The following ANKS1B variants were observed in gnomAD, a reference collection of about 807,000 sequenced individuals.
The protein encoded by ANKS1B is ankyrin repeat and sterile alpha motif domain containing 1B.
Under a neutral mutation model 148.3 loss-of-function variants are expected in ANKS1B, and 36 were observed. The ratio of observed to expected loss-of-function variants is 0.24; its 90% confidence interval spans 0.19 to 0.32. The LOEUF (loss-of-function observed/expected upper bound fraction) is 0.32. Ranked by LOEUF, ANKS1B falls within the 10% of genes least tolerant of loss-of-function variation. The pLI is 1.00. For synonymous variants in ANKS1B, 542 were observed against 560.8 expected, an observed-to-expected ratio of 0.97 and a Z score of 0.47; for missense variants, 1,157 against 1,542.6, an observed-to-expected ratio of 0.75 and a Z score of 4.19.
chr12:99,795,660 G>A (rs1333422315), intron 4 of ANKS1B, among the ~76,000 whole-genome samples: 1 of 151,950 alleles, frequency 6.6e-6, no homozygotes, highest in Non-Finnish European at 1.5e-5. Flanking sequence ...TTTGATAAAG[G>A]ATGATGCACA....
intron 17 of ANKS1B, among the ~76,000 whole-genome samples, chr12:98,971,033 C>A (rs931376251): frequency 2.6e-5 from 4 of 152,286 alleles, no homozygotes; most frequent in African/African-American, 9.6e-5. Context: ...GCTGTAAGAG[C>A]AATTAGGAAG....
chr12:99,198,539 G>A (rs2081662407), intron 14 of ANKS1B, among the ~76,000 whole-genome samples: 1 of 152,136 alleles, frequency 6.6e-6, no homozygotes, highest in Non-Finnish European at 1.5e-5. Flanking sequence ...AGCAAATCTT[G>A]TCTAAATTAG....
rs868382890 is a variant in ANKS1B, at chr12:98,902,228, T to A, written c.2779-70092A>T. Reference sequence around the variant, plus strand: ...AAGGCCCAAACCACATACAGCTCCATTGAGCCACAGCTAAGATTTTTGCTT... The same window carrying A: ...AAGGCCCAAACCACATACAGCTCCAATGAGCCACAGCTAAGATTTTTGCTT... On this transcript the variant is annotated intron_variant, in intron 17 of 26. Coordinates refer to ENST00000683438, the MANE Select transcript of ANKS1B (RefSeq NM_001352186.2). 2.0e-5 allele frequency among the ~76,000 whole-genome samples: 3 copies of A among 152,206 alleles called. No individual in the cohort carries two copies. In the South Asian group the frequency reaches 6.2e-4, roughly 32 times the overall value.
chr12:98,881,248 A>C (rs1376525888), intron 17 of ANKS1B, among the ~76,000 whole-genome samples: 2 of 152,214 alleles, frequency 1.3e-5, no homozygotes, highest in African/African-American at 4.8e-5. Flanking sequence ...CATAGTCAAT[A>C]AAATATAGGC....
At chr12:98,935,125 C>A (rs1808014) in intron 17 of ANKS1B, among the ~76,000 whole-genome samples, 1 of 152,052 alleles carries the variant, frequency 6.6e-6, no homozygotes, top group East Asian at 1.9e-4. Context: ...CACATATCAC[C>A]TTAATTATAA....
chr12:98,917,522 G>A (rs1288080805), intron 17 of ANKS1B, among the ~76,000 whole-genome samples: 1 of 152,160 alleles, frequency 6.6e-6, no homozygotes, highest in East Asian at 1.9e-4. Context: ...ATTTCCATTT[G>A]CATGAAGACA....
intron 17 of ANKS1B, among the ~76,000 whole-genome samples, chr12:98,923,636 G>A (rs2099804286): frequency 6.6e-6 from 1 of 152,136 alleles, no homozygotes; most frequent in African/African-American, 2.4e-5. Context: ...CCACTTTTTA[G>A]ATAACTGATA....
chr12:99,098,619 CTT>C (rs71081896), intron 15 of ANKS1B, among the ~76,000 whole-genome samples: 13 of 32,094 alleles, frequency 4.1e-4, no homozygotes, highest in East Asian at 1.3e-3. Flanking sequence ...CTAGGAACTA[CTT>C]TTTTTTTTTT....
chr12:99,701,853 T>C (rs948094894), intron 8 of ANKS1B, among the ~76,000 whole-genome samples: 1 of 152,120 alleles, frequency 6.6e-6, no homozygotes, highest in Admixed American at 6.5e-5. Context: ...TCCATCCATG[T>C]TGTTGCAAAT....
intron 17 of ANKS1B, among the ~76,000 whole-genome samples, chr12:98,865,820 T>C (rs1377293823): frequency 6.6e-6 from 1 of 152,114 alleles, no homozygotes; most frequent in Non-Finnish European, 1.5e-5. Context: ...CTTAATCCAT[T>C]TGGGCTGCTA....
intron 12 of ANKS1B, among the ~76,000 whole-genome samples, chr12:99,340,097 A>G (rs149186051): frequency 3.9e-5 from 6 of 152,006 alleles, no homozygotes; most frequent in African/African-American, 1.4e-4. Flanking sequence ...TTATTTTTGT[A>G]TTTCCTCAGA....
chr12:98,984,807 T>G (rs973399428), intron 17 of ANKS1B, among the ~76,000 whole-genome samples: 29 of 152,066 alleles, frequency 1.9e-4, no homozygotes, highest in African/African-American at 6.5e-4. Context: ...CCCAGGAGTT[T>G]AAGACCAGCC....
intron 17 of ANKS1B, among the ~76,000 whole-genome samples, chr12:98,852,009 C>T (rs983113714): frequency 1.7e-4 from 18 of 106,224 alleles, no homozygotes; most frequent in African/African-American, 4.2e-4. Context: ...GGTGACAGAG[C>T]GAGACTCCAT....
chr12:99,455,106 A>G (rs2133897), intron 10 of ANKS1B, among the ~76,000 whole-genome samples: 47,839 of 151,894 alleles, frequency 0.31, 7,639 homozygotes, highest in East Asian at 0.41. Flanking sequence ...TTAACAACCT[A>G]TTCTTTTCTC....
At chr12:99,982,382 T>C (rs1257344479) in intron 1 of ANKS1B, among the ~76,000 whole-genome samples, 1 of 151,954 alleles carries the variant, frequency 6.6e-6, no homozygotes, top group African/African-American at 2.4e-5. Flanking sequence ...TTAAAGGATG[T>C]TTGCTTTTGA....
chr12:98,942,881 A>G (rs2099839203), intron 17 of ANKS1B, among the ~76,000 whole-genome samples: 1 of 152,226 alleles, frequency 6.6e-6, no homozygotes, highest in East Asian at 1.9e-4. Flanking sequence ...ACCCCAACAG[A>G]CAGTGCCTCC....
intron 8 of ANKS1B, among the ~76,000 whole-genome samples, chr12:99,683,271 G>A (rs970557630): frequency 2.6e-5 from 4 of 151,922 alleles, no homozygotes; most frequent in African/African-American, 9.7e-5. Flanking sequence ...ATCCAAATAA[G>A]CTCAATTAGA....
chr12:99,663,620 T>G (rs969383042), intron 8 of ANKS1B, among the ~76,000 whole-genome samples: 1 of 152,084 alleles, frequency 6.6e-6, no homozygotes, highest in Non-Finnish European at 1.5e-5. Flanking sequence ...AAACAAGTCT[T>G]GATGCCAATG....
At chr12:99,559,832 T>C (rs1597084324) in intron 9 of ANKS1B, among the ~76,000 whole-genome samples, 1 of 152,156 alleles carries the variant, frequency 6.6e-6, no homozygotes, top group South Asian at 2.1e-4. Flanking sequence ...AGTTTTGATA[T>C]AAAAATCATA....
Sources: gnomAD v4.1 joint callset for allele counts (sites outside exome capture counted in the v4.1 genomes callset) on GRCh38, gnomAD v4.1.1 for gene constraint, MANE v1.5 for transcripts, NCBI Gene and HGNC (gene_info 2026-07-23, HGNC 2026-07-21) for gene names.